The following SAMD13 variants were observed in gnomAD, a reference collection of about 807,000 sequenced individuals.
The protein encoded by SAMD13 is sterile alpha motif domain-containing protein 13.
SAMD13 carries 9 observed loss-of-function variants against 12.4 expected under a neutral mutation model. The ratio of observed to expected loss-of-function variants is 0.72; its 90% CI spans 0.44 to 1.26. The LOEUF is 1.26. SAMD13 is among the 50% of genes most tolerant of loss of function. SAMD13 has a pLI of 0.00. For missense variants in SAMD13, 84 were observed against 119.6 expected (o/e 0.70, Z 1.39); for synonymous variants, 46 against 45.4 (o/e 1.01, Z -0.05).
upstream of SAMD13, chr1:84,299,671 A>ATT: frequency 1.1e-6 from 1 of 952,294 alleles, no homozygotes; most frequent in Non-Finnish European, 1.4e-6. Flanking sequence ...ATATATATAT[A>ATT]TATATTTATT....
chr1:84,299,526 C>A, upstream of SAMD13: 3 of 1,247,578 alleles, frequency 2.4e-6, no homozygotes, highest in South Asian at 1.8e-5. Flanking sequence ...GTACCACACC[C>A]ACACACAAAG....
intron 2 of SAMD13, among the ~76,000 whole-genome samples, chr1:84,314,488 A>G (rs1316312854): frequency 1.3e-5 from 2 of 152,180 alleles, no homozygotes; most frequent in Admixed American, 6.6e-5. Flanking sequence ...ATCTTCTTTG[A>G]AAACAATGAG....
chr1:84,342,447 C>A (rs915846180), intron 3 of SAMD13, among the ~76,000 whole-genome samples: 4 of 152,110 alleles, frequency 2.6e-5, no homozygotes, highest in African/African-American at 9.7e-5. Flanking sequence ...TGCTACCAGA[C>A]TTAAAACTAT....
chr1:84,329,877 A>T (rs972977025), intron 3 of SAMD13, among the ~76,000 whole-genome samples: 1 of 152,176 alleles, frequency 6.6e-6, no homozygotes, highest in African/African-American at 2.4e-5. Context: ...GGTCTGTGTC[A>T]TCAGGGTTGC....
At chr1:84,341,111 G>C (rs1323661560) in intron 3 of SAMD13, among the ~76,000 whole-genome samples, 5 of 152,164 alleles carry the variant, frequency 3.3e-5, no homozygotes, top group African/African-American at 1.2e-4. Flanking sequence ...CAGTCTTTCA[G>C]ACTTGGACTG....
At chr1:84,320,842 A>G (rs1678928037) in intron 2 of SAMD13, among the ~76,000 whole-genome samples, 1 of 152,212 alleles carries the variant, frequency 6.6e-6, no homozygotes, top group Non-Finnish European at 1.5e-5. Context: ...TTGAAGTGGA[A>G]ATACAATTGA....
chr1:84,318,971 G>T lies in SAMD13; in HGVS notation c.54-6666G>T, dbSNP rs188761804. 3.1e-3 allele frequency among the ~76,000 whole-genome samples: 475 copies of T among 152,230 alleles called. 2 individuals are homozygous for T. The highest frequency in any genetic ancestry group is 0.01 in the South Asian group (49 of 4,816). ...AGTCAGTTAAACATATTAAAACATC[G>T]TATTTTAAATATGAAAACAAAAGGA... On this transcript the variant is annotated intron_variant, in intron 2 of 3. Coordinates refer to ENST00000394834, the MANE Select transcript of SAMD13 (RefSeq NM_001134663.2).
intron 2 of SAMD13, among the ~76,000 whole-genome samples, chr1:84,306,510 A>T (rs1678576100): frequency 6.6e-6 from 1 of 151,936 alleles, no homozygotes; most frequent in Non-Finnish European, 1.5e-5. Context: ...AGTTGAAAAA[A>T]GTGGTGAGCT....
At chr1:84,299,476 C>A, upstream of SAMD13, 1 of 487,440 alleles carries the variant, frequency 2.1e-6, no homozygotes, top group Non-Finnish European at 3.2e-6. Flanking sequence ...GCCTCTCCCC[C>A]TCACCCCCAC....
At chr1:84,304,014 A>T (rs1395601050) in intron 2 of SAMD13, 1 of 152,176 alleles carries the variant, frequency 6.6e-6, no homozygotes, top group Non-Finnish European at 1.5e-5. Context: ...AGAGGGAGTT[A>T]TCTGTTTCAT....
chr1:84,310,881 T>C (rs1678694688), intron 2 of SAMD13, among the ~76,000 whole-genome samples: 2 of 152,200 alleles, frequency 1.3e-5, no homozygotes, highest in Admixed American at 1.3e-4. Flanking sequence ...GAAATTATTA[T>C]TGTATATTGT....
intron 3 of SAMD13, among the ~76,000 whole-genome samples, chr1:84,346,962 C>A (rs912095728): frequency 2.0e-5 from 3 of 152,184 alleles, no homozygotes; most frequent in African/African-American, 7.2e-5. Flanking sequence ...GAAGCCTATC[C>A]ATTTCCACTT....
intron 2 of SAMD13, among the ~76,000 whole-genome samples, chr1:84,306,152 C>G (rs1277261719): frequency 6.6e-6 from 1 of 152,136 alleles, no homozygotes; most frequent in African/African-American, 2.4e-5. Flanking sequence ...TTTAATTTCT[C>G]TCAGCAATGT....
At chr1:84,329,716 C>T (rs969027818) in intron 3 of SAMD13, among the ~76,000 whole-genome samples, 2 of 152,230 alleles carry the variant, frequency 1.3e-5, no homozygotes, top group Non-Finnish European at 2.9e-5. Context: ...TGGCAATCCT[C>T]TTTTGAGTCT....
intron 3 of SAMD13, among the ~76,000 whole-genome samples, chr1:84,334,447 TTTC>T (rs1679254377): frequency 6.6e-6 from 1 of 152,130 alleles, no homozygotes; most frequent in Non-Finnish European, 1.5e-5. Context: ...TATTCATTCC[TTTC>T]TTCTTTATTA....
intron 2 of SAMD13, among the ~76,000 whole-genome samples, chr1:84,316,472 G>T (rs901860285): frequency 4.6e-5 from 7 of 152,084 alleles, no homozygotes; most frequent in African/African-American, 1.7e-4. Flanking sequence ...TAGTTGAAGA[G>T]ACTCATCTTT....
At chr1:84,308,882 G>A (rs1678645434) in intron 2 of SAMD13, among the ~76,000 whole-genome samples, 1 of 152,066 alleles carries the variant, frequency 6.6e-6, no homozygotes, top group Non-Finnish European at 1.5e-5. Flanking sequence ...GAGACCAGGG[G>A]GAATTAAGCA....
chr1:84,342,021 A>T (rs1679438194), intron 3 of SAMD13, among the ~76,000 whole-genome samples: 4 of 152,168 alleles, frequency 2.6e-5, no homozygotes. Flanking sequence ...GTTATCAGTT[A>T]AATAGCTTTC....
intron 3 of SAMD13, among the ~76,000 whole-genome samples, chr1:84,332,538 G>C (rs889236002): frequency 2.0e-5 from 3 of 151,968 alleles, no homozygotes; most frequent in Admixed American, 2.0e-4. Context: ...CTTCTTTTGT[G>C]ACGTGTCTGT....
Sources: gnomAD v4.1 joint callset for allele counts (sites outside exome capture counted in the v4.1 genomes callset) on GRCh38, gnomAD v4.1.1 for gene constraint, MANE v1.5 for transcripts, NCBI Gene and HGNC (gene_info 2026-07-23, HGNC 2026-07-21) for gene names.